Variants in SERPINA4 observed in about 807,000 individuals in gnomAD.
SERPINA4 encodes kallistatin.
A neutral mutation model predicts 25.4 loss-of-function variants in SERPINA4; 24 were observed. That is an observed-to-expected ratio of 0.95 (90% CI 0.69 to 1.33). The LOEUF (loss-of-function observed/expected upper bound fraction) is 1.33, where lower values mean the gene tolerates loss of function less well. Ranked by LOEUF, SERPINA4 falls within the 40% of genes most tolerant of loss-of-function variation. SERPINA4 has a pLI of 0.00. For missense variants in SERPINA4, 553 were observed against 535.8 expected (o/e 1.03, Z -0.32); for synonymous variants, 242 against 223.6 (o/e 1.08, Z -0.73).
At chr14:94,564,675 A>G (rs1401941067) in intron 2 of SERPINA4, among the ~76,000 whole-genome samples, 2 of 152,260 alleles carry the variant, frequency 1.3e-5, no homozygotes, top group Admixed American at 6.5e-5. Context: ...ACTTCATGCT[A>G]CAATGGCAGG....
At position 94,568,248 on chromosome 14, in the gene SERPINA4, T is replaced by C. The variant is rs1478663941; in HGVS notation, c.1043T>C (p.Leu348Ser). Reference sequence around the variant, plus strand: ...GATCTGTTCTCCAAGTGGGCTGACTTATCCGGCATCACCAAACAGCAAAAA... The same window carrying C: ...GATCTGTTCTCCAAGTGGGCTGACTCATCCGGCATCACCAAACAGCAAAAA... ...FTDLFSKWADLSGITKQQKLE... is the reference protein window; with the variant it reads ...FTDLFSKWADSSGITKQQKLE... Residue 348 changes from leucine (L) to serine (S), a missense_variant, in exon 4 of 5, where the codon TTA becomes TCA. By Grantham distance (145) the Leu-to-Ser change is moderately radical (BLOSUM62 -2). Transcript: ENST00000557004. 1 of 1,614,202 alleles carries C rather than the reference T, an allele frequency of 6.2e-7. No homozygotes were observed. The highest frequency in any genetic ancestry group is 1.7e-5 in the Admixed American group (1 of 60,026).
chr14:94,563,374 C>T (rs1032638001), intron 1 of SERPINA4, 92 bp from the exon 2 acceptor site: 63 of 1,351,958 alleles, frequency 4.7e-5, no homozygotes, highest in South Asian at 1.4e-4. Context: ...GTGTCACTCA[C>T]GATCTCCGGG....
At chr14:94,567,832 A>C (rs1902268048) in intron 3 of SERPINA4, among the ~76,000 whole-genome samples, 1 of 152,252 alleles carries the variant, frequency 6.6e-6, no homozygotes, top group South Asian at 2.1e-4. Flanking sequence ...GGCAAAGGCA[A>C]AACTGCCACC....
chr14:94,567,347 A>T, intron 3 of SERPINA4, 104 bp downstream of exon 3: 1 of 1,254,790 alleles, frequency 8.0e-7, no homozygotes, highest in Non-Finnish European at 1.1e-6. Flanking sequence ...CCAAATTATG[A>T]GAGAATTCTC....
chr14:94,564,558 TG>T lies in SERPINA4; in HGVS notation c.649+430del, dbSNP rs1448545776. Reference sequence around the variant, plus strand: ...CTCCTTAGAAAAGGGTCTAAAGAGATGGGCAAACTACAGCCCATGGGCCAAA... The same window carrying T: ...CTCCTTAGAAAAGGGTCTAAAGAGATGGCAAACTACAGCCCATGGGCCAAA... On this transcript the variant is annotated intron_variant, in intron 2 of 4. Transcript: ENST00000557004. 2.0e-5 allele frequency among the ~76,000 whole-genome samples: 3 copies of T among 152,350 alleles called. No homozygotes were observed. In the East Asian group the frequency reaches 5.8e-4, roughly 29 times the overall value.
At chr14:94,562,381 C>T (rs1293905789) in intron 1 of SERPINA4, among the ~76,000 whole-genome samples, 1 of 152,094 alleles carries the variant, frequency 6.6e-6, no homozygotes, top group Non-Finnish European at 1.5e-5. Flanking sequence ...GAGTTGGAGA[C>T]CAGCTTGGGC....
chr14:94,568,356 G>A (rs1902287101), intron 4 of SERPINA4, 68 bp downstream of exon 4: 11 of 1,542,544 alleles, frequency 7.1e-6, no homozygotes, highest in East Asian at 4.5e-5. Flanking sequence ...GCTGCCAGGC[G>A]ATGGGGCTCC....
rs368457311 is a variant in SERPINA4, at chr14:94,563,792, G to A, written c.310G>A (p.Gly104Ser). The A allele has an allele frequency of 2.8e-5, 45 of 1,614,050 alleles. No homozygotes were observed. Among genetic ancestry groups the A allele is most frequent in the East Asian group, 2.2e-5 (1 of 44,894 alleles). The change falls in exon 2 of 5, where the codon GGC becomes AGC. Residue 104 changes from glycine (G) to serine (S), a missense_variant. Gly to Ser is a moderately conservative substitution (Grantham distance 56). Coordinates refer to ENST00000557004, the MANE Select transcript of SERPINA4 (RefSeq NM_006215.4). ...ACACAGCCGCAGCCAGATCCTTGAG[G>A]GCCTGGGCTTCAACCTCACCGAGCT... The part of the protein sequence containing the change: ...CSHSRSQILE[G>S]LGFNLTELSE...
rs1364518330 is a variant in SERPINA4 at position 94,563,930 on chromosome 14, A to G, written c.448A>G (p.Lys150Glu). The change falls in exon 2 of 5, where the codon AAG (lysine) becomes GAG (glutamate). Residue 150 changes from lysine to glutamate, a missense_variant. Coordinates refer to ENST00000557004, the MANE Select transcript of SERPINA4 (RefSeq NM_006215.4). ...TGCTCTGTTCCTGAGCCACAACCTG[A>G]AGTTCCTTGCAAAATTCCTGAATGA... Reference protein sequence around the residue: ...GSALFLSHNLKFLAKFLNDTM... With the variant: ...GSALFLSHNLEFLAKFLNDTM... The G allele has an allele frequency of 6.2e-7, 1 of 1,614,166 alleles. No homozygotes were observed. The highest frequency in any genetic ancestry group is 8.5e-7 in the Non-Finnish European group (1 of 1,180,032).
Position 94,569,479 on chromosome 14 carries a change from G to A in SERPINA4, c.1168G>A (p.Ala390Thr). The change falls in exon 5 of 5, where the codon GCC (alanine) becomes ACC (threonine). Residue 390 changes from alanine (A) to threonine (T), a missense_variant. Coordinates refer to ENST00000557004, the MANE Select transcript of SERPINA4 (RefSeq NM_006215.4). ...ATSFAIKFFS[A>T]QTNRHILRFN... The stretch of plus-strand genomic sequence containing the variant: ...CAGCTTCGCGATCAAATTCTTCTCT[G>A]CCCAGACCAATCGCCACATCCTGCG... The A allele has an allele frequency of 6.2e-7, 1 of 1,614,202 alleles. No individual in the cohort carries two copies. The highest frequency in any genetic ancestry group is 2.2e-5 in the East Asian group (1 of 44,878).
chr14:94,568,438 C>A, intron 4 of SERPINA4, 150 bp downstream of exon 4: 1 of 822,406 alleles, frequency 1.2e-6, no homozygotes, highest in Non-Finnish European at 1.9e-6. Flanking sequence ...CACCAATCAA[C>A]CAGCCCTGGA....
intron 2 of SERPINA4, among the ~76,000 whole-genome samples, chr14:94,564,396 G>A (rs746352489): frequency 5.3e-5 from 8 of 152,172 alleles, no homozygotes; most frequent in Non-Finnish European, 8.8e-5. Context: ...ATCATTAGTT[G>A]AATTGCTGGA....
At chr14:94,568,392 C>T in intron 4 of SERPINA4, 104 bp downstream of exon 4, 3 of 1,228,298 alleles carry the variant, frequency 2.4e-6, no homozygotes, top group Non-Finnish European at 1.1e-6. Context: ...AGTCTCAGAG[C>T]CTGAGTGTGT....
intron 2 of SERPINA4, among the ~76,000 whole-genome samples, chr14:94,566,634 A>T (rs549201925): frequency 6.6e-6 from 1 of 152,030 alleles, no homozygotes; most frequent in Non-Finnish European, 1.5e-5. Flanking sequence ...CTCTGCTCAC[A>T]CTCTGCCATC....
At chr14:94,565,526 T>C (rs1396477385) in intron 2 of SERPINA4, among the ~76,000 whole-genome samples, 2 of 152,200 alleles carry the variant, frequency 1.3e-5, no homozygotes, top group Non-Finnish European at 2.9e-5. Context: ...GGAATTTTCA[T>C]GAACCATTGA....
Position 94,566,969 on chromosome 14 carries a change from G to T in SERPINA4, c.650-1G>T, listed in dbSNP as rs760476605. 4 of 1,612,288 alleles carry T rather than the reference G, an allele frequency of 2.5e-6. No individual in the cohort carries two copies. Among genetic ancestry groups the T allele is most frequent in the Non-Finnish European group, 3.4e-6 (4 of 1,178,734 alleles). On this transcript the variant is annotated splice_acceptor_variant, in intron 2 of 4. Coordinates refer to ENST00000557004, the MANE Select transcript of SERPINA4 (RefSeq NM_006215.4). LOFTEE classifies it high-confidence loss of function. Reference sequence around the variant, plus strand: ...GTACCTTCTTTTCATCTTCCCTTCAGCCCTGTGGGAGAAACCATTCATTTC... The same window carrying T: ...GTACCTTCTTTTCATCTTCCCTTCATCCCTGTGGGAGAAACCATTCATTTC...
At chr14:94,564,780 T>G (rs1902149899) in intron 2 of SERPINA4, among the ~76,000 whole-genome samples, 1 of 152,262 alleles carries the variant, frequency 6.6e-6, no homozygotes, top group African/African-American at 2.4e-5. Flanking sequence ...GACCATTTTA[T>G]GTACTCAATA....
At chr14:94,565,220 G>A (rs886379752) in intron 2 of SERPINA4, among the ~76,000 whole-genome samples, 1 of 152,220 alleles carries the variant, frequency 6.6e-6, no homozygotes, top group African/African-American at 2.4e-5. Context: ...TCAGAGTGCT[G>A]CCATGGAGGG....
chr14:94,562,324 T>C (rs972525810), intron 1 of SERPINA4, among the ~76,000 whole-genome samples: 5 of 152,116 alleles, frequency 3.3e-5, no homozygotes, highest in African/African-American at 9.7e-5. Flanking sequence ...TTGAGGATCA[T>C]AGCAAAAGAG....
Sources: gnomAD v4.1 joint callset for allele counts (sites outside exome capture counted in the v4.1 genomes callset) on GRCh38, gnomAD v4.1.1 for gene constraint, MANE v1.5 for transcripts, NCBI Gene and HGNC (gene_info 2026-07-23, HGNC 2026-07-21) for gene names.